EYS: variants seen among roughly 807,000 people sequenced by gnomAD.
EYS encodes the protein protein eyes shut homolog.
A neutral mutation model predicts 282.1 loss-of-function variants in EYS; 250 were observed. That is an observed-to-expected ratio of 0.89 (90% CI 0.80 to 0.98). The LOEUF (loss-of-function observed/expected upper bound fraction) is 0.98, where lower values mean the gene tolerates loss of function less well. Among genes scored for constraint, EYS ranks in the 50% least tolerant of loss-of-function variants. The probability of loss-of-function intolerance (pLI) is 0.00; values close to 1 mark genes in which losing one functional copy is unlikely to be tolerated. For synonymous variants in EYS, 1,355 were observed against 1,282.9 expected, an observed-to-expected ratio of 1.06 and a Z score of -1.20; for missense variants, 4,016 against 3,709.0, an observed-to-expected ratio of 1.08 and a Z score of -2.15.
At chr6:64,710,451 C>G (rs897757785) in intron 22 of EYS, among the ~76,000 whole-genome samples, 16 of 152,186 alleles carry the variant, frequency 1.1e-4, no homozygotes, top group African/African-American at 3.9e-4. Flanking sequence ...AATCCTTCAT[C>G]CAGTTAAAGG....
intron 37 of EYS, among the ~76,000 whole-genome samples, chr6:63,791,274 G>A (rs1054728990): frequency 6.6e-6 from 1 of 152,122 alleles, no homozygotes; most frequent in East Asian, 1.9e-4. Context: ...GTATGTTTAA[G>A]AACTGCTGGG....
chr6:64,220,776 C>T (rs1457519696), intron 31 of EYS, among the ~76,000 whole-genome samples: 1 of 152,084 alleles, frequency 6.6e-6, no homozygotes, highest in Non-Finnish European at 1.5e-5. Flanking sequence ...AAGTTTGAAT[C>T]TAACGTTGTT....
At chr6:64,453,980 A>C (rs1366436605) in intron 26 of EYS, among the ~76,000 whole-genome samples, 1 of 152,198 alleles carries the variant, frequency 6.6e-6, no homozygotes, top group Admixed American at 6.5e-5. Flanking sequence ...CACGTTGTGC[A>C]CATGTACCCT....
intron 2 of EYS, among the ~76,000 whole-genome samples, chr6:65,569,473 G>A (rs1364577878): frequency 6.6e-6 from 1 of 152,072 alleles, no homozygotes; most frequent in Non-Finnish European, 1.5e-5. Context: ...TGCCATTGTA[G>A]GACTAACAAA....
intron 29 of EYS, among the ~76,000 whole-genome samples, chr6:64,312,512 C>T (rs867881950): frequency 1.5e-4 from 23 of 152,186 alleles, no homozygotes; most frequent in African/African-American, 5.1e-4. Flanking sequence ...AATCTCCCAG[C>T]ACATCGTTTG....
chr6:64,390,659 C>T (rs1337718758), intron 28 of EYS, among the ~76,000 whole-genome samples: 1 of 149,342 alleles, frequency 6.7e-6, no homozygotes, highest in African/African-American at 2.5e-5. Context: ...GTAGATAAAA[C>T]CACAAAGATG....
intron 12 of EYS, among the ~76,000 whole-genome samples, chr6:65,255,345 T>A (rs1232687436): frequency 1.3e-5 from 2 of 151,874 alleles, no homozygotes; most frequent in African/African-American, 4.8e-5. Flanking sequence ...TGAAACTAGA[T>A]CCCCATCTCT....
chr6:65,405,706 C>T (rs771389118), intron 5 of EYS, among the ~76,000 whole-genome samples: 13 of 151,904 alleles, frequency 8.6e-5, no homozygotes, highest in East Asian at 5.8e-4. Context: ...TGGTCTTTTG[C>T]GACTGGCTTC....
intron 33 of EYS, among the ~76,000 whole-genome samples, chr6:64,048,552 T>C (rs1770703717): frequency 6.6e-6 from 1 of 152,128 alleles, no homozygotes; most frequent in African/African-American, 2.4e-5. Flanking sequence ...AGTACAAACA[T>C]GGCATCTAAC....
intron 1 of EYS, among the ~76,000 whole-genome samples, chr6:65,705,169 T>C (rs1244653259): frequency 6.6e-6 from 1 of 152,136 alleles, no homozygotes; most frequent in East Asian, 1.9e-4. Flanking sequence ...CATACATGAT[T>C]TTCATTAAGA....
At chr6:64,526,539 A>C (rs1012048658) in intron 26 of EYS, among the ~76,000 whole-genome samples, 3 of 151,906 alleles carry the variant, frequency 2.0e-5, no homozygotes, top group African/African-American at 7.2e-5. Flanking sequence ...ACCATTTAAC[A>C]TAGGTTGTAC....
intron 12 of EYS, among the ~76,000 whole-genome samples, chr6:65,235,449 T>C (rs921554167): frequency 2.6e-5 from 4 of 152,138 alleles, no homozygotes; most frequent in African/African-American, 4.8e-5. Context: ...CAAAAGTAGT[T>C]GGTATGAAGG....
intron 36 of EYS, among the ~76,000 whole-genome samples, chr6:63,853,523 A>G (rs1772313783): frequency 6.6e-6 from 1 of 152,234 alleles, no homozygotes; most frequent in South Asian, 2.1e-4. Flanking sequence ...GCTCATAGAT[A>G]GGAAGAATCA....
At chr6:64,087,884 C>T (rs1772210491) in intron 31 of EYS, among the ~76,000 whole-genome samples, 1 of 152,018 alleles carries the variant, frequency 6.6e-6, no homozygotes, top group Non-Finnish European at 1.5e-5. Context: ...AAGCAATGAA[C>T]TCACAAAGTA....
chr6:63,789,949 T>C (rs1383440845), intron 37 of EYS, among the ~76,000 whole-genome samples: 1 of 152,134 alleles, frequency 6.6e-6, no homozygotes, highest in Non-Finnish European at 1.5e-5. Flanking sequence ...TCTGGGATGA[T>C]CCATCAGTAT....
chr6:65,473,221 A>C (rs573261906), intron 5 of EYS, among the ~76,000 whole-genome samples: 1 of 151,946 alleles, frequency 6.6e-6, no homozygotes, highest in Non-Finnish European at 1.5e-5. Context: ...ATAAATTGAT[A>C]AATAATAGAT....
At chr6:64,419,293 G>A (rs376521709) in intron 28 of EYS, among the ~76,000 whole-genome samples, 34 of 152,232 alleles carry the variant, frequency 2.2e-4, no homozygotes, top group Middle Eastern at 3.4e-3. Context: ...TACCTCCCAT[G>A]GGGTTCCCTC....
intron 35 of EYS, among the ~76,000 whole-genome samples, chr6:63,884,018 A>G (rs1324406311): frequency 1.3e-5 from 2 of 152,164 alleles, no homozygotes; most frequent in Admixed American, 1.3e-4. Flanking sequence ...ATTTTATTAC[A>G]CATTTACTTG....
intron 39 of EYS, among the ~76,000 whole-genome samples, chr6:63,779,760 T>G (rs1264322341): frequency 2.6e-5 from 4 of 151,932 alleles, no homozygotes; most frequent in African/African-American, 9.7e-5. Flanking sequence ...TTTTTTGTCA[T>G]TGTTATACTT....
Sources: allele counts gnomAD v4.1 joint callset (sites outside exome capture counted in the v4.1 genomes callset), GRCh38; gene constraint gnomAD v4.1.1; transcripts MANE v1.5; gene names NCBI Gene and HGNC (gene_info 2026-07-23, HGNC 2026-07-21).